Variants in CNTNAP2 observed in about 807,000 individuals in gnomAD.
The protein encoded by CNTNAP2 is contactin-associated protein-like 2.
A neutral mutation model predicts 155.2 loss-of-function variants in CNTNAP2; 98 were observed. The observed-to-expected ratio is 0.63, with a 90% CI of 0.54 to 0.75. The LOEUF is 0.75. Ranked by LOEUF, CNTNAP2 falls within the 30% of genes least tolerant of loss-of-function variation. CNTNAP2 has a pLI of 0.00. For synonymous variants in CNTNAP2, 651 were observed against 631.2 expected (o/e 1.03, Z -0.47); for missense variants, 1,727 against 1,688.1 (o/e 1.02, Z -0.40).
At chr7:146,226,721 A>G (rs1479496367) in intron 1 of CNTNAP2, among the ~76,000 whole-genome samples, 2 of 152,146 alleles carry the variant, frequency 1.3e-5, no homozygotes, top group African/African-American at 2.4e-5. Context: ...TGGAAGTAGT[A>G]TGAATGGTAG....
At chr7:147,312,918 C>A (rs1257761717) in intron 9 of CNTNAP2, among the ~76,000 whole-genome samples, 20 of 131,568 alleles carry the variant, frequency 1.5e-4, no homozygotes, top group Admixed American at 1.4e-3. Flanking sequence ...TCCTCTCCAG[C>A]ACCTGTTGTT....
At chr7:147,296,581 A>C (rs1805450766) in intron 8 of CNTNAP2, among the ~76,000 whole-genome samples, 1 of 152,254 alleles carries the variant, frequency 6.6e-6, no homozygotes, top group Non-Finnish European at 1.5e-5. Context: ...TAAATGACTT[A>C]AGATATTCTT....
At chr7:147,113,011 C>T (rs1017323466) in intron 5 of CNTNAP2, among the ~76,000 whole-genome samples, 6 of 152,006 alleles carry the variant, frequency 3.9e-5, no homozygotes, top group African/African-American at 1.5e-4. Context: ...GAGTCTGTCT[C>T]GTCCTGGGCT....
intron 14 of CNTNAP2, among the ~76,000 whole-genome samples, chr7:147,911,927 T>G (rs1800074293): frequency 6.6e-6 from 1 of 152,332 alleles, no homozygotes; most frequent in South Asian, 2.1e-4. Flanking sequence ...GTACAATTTC[T>G]TTTTAACGTC....
At chr7:147,222,724 G>A (rs1253030256) in intron 8 of CNTNAP2, among the ~76,000 whole-genome samples, 3 of 152,010 alleles carry the variant, frequency 2.0e-5, no homozygotes, top group Middle Eastern at 3.4e-3. Context: ...TATGGGGAGG[G>A]AATATGTTCT....
At chr7:147,382,501 G>A (rs1796552859) in intron 9 of CNTNAP2, among the ~76,000 whole-genome samples, 1 of 152,174 alleles carries the variant, frequency 6.6e-6, no homozygotes, top group African/African-American at 2.4e-5. Context: ...TGAGTGACCA[G>A]TGATATAGAG....
At chr7:146,580,268 G>A (rs1798591316) in intron 1 of CNTNAP2, among the ~76,000 whole-genome samples, 1 of 152,000 alleles carries the variant, frequency 6.6e-6, no homozygotes, top group Admixed American at 6.6e-5. Context: ...AAAGTAACAT[G>A]CGTTGTATGA....
intron 4 of CNTNAP2, among the ~76,000 whole-genome samples, chr7:147,073,026 G>A (rs1436799822): frequency 6.6e-6 from 1 of 150,604 alleles, no homozygotes; most frequent in Non-Finnish European, 1.5e-5. Context: ...CTAATTTTTT[G>A]CATTTTTAGT....
chr7:146,353,212 C>T (rs1291850587), intron 1 of CNTNAP2, among the ~76,000 whole-genome samples: 1 of 152,200 alleles, frequency 6.6e-6, no homozygotes, highest in Non-Finnish European at 1.5e-5. Flanking sequence ...CAATGCCGTA[C>T]ATATTAATGC....
At chr7:147,110,521 T>C (rs1800853647) in intron 5 of CNTNAP2, among the ~76,000 whole-genome samples, 1 of 152,100 alleles carries the variant, frequency 6.6e-6, no homozygotes, top group African/African-American at 2.4e-5. Context: ...ATGCTTTCCT[T>C]CCTCACCACC....
intron 1 of CNTNAP2, among the ~76,000 whole-genome samples, chr7:146,661,569 T>C (rs1293668184): frequency 1.7e-5 from 1 of 59,216 alleles, no homozygotes; most frequent in Non-Finnish European, 3.8e-5. Flanking sequence ...TTTAATATGA[T>C]GCTCTTGAGA....
intron 15 of CNTNAP2, among the ~76,000 whole-genome samples, chr7:148,030,302 A>G (rs1802450544): frequency 2.6e-5 from 4 of 152,218 alleles, no homozygotes; most frequent in Admixed American, 2.6e-4. Context: ...ATCGTTGTGC[A>G]TATTGTATTG....
intron 1 of CNTNAP2, among the ~76,000 whole-genome samples, chr7:146,623,817 C>T (rs1799373809): frequency 6.6e-6 from 1 of 152,064 alleles, no homozygotes; most frequent in Admixed American, 6.6e-5. Flanking sequence ...TAAGAAACTG[C>T]TAAATTGTCT....
At chr7:147,031,991 G>A (rs1444595391) in intron 3 of CNTNAP2, among the ~76,000 whole-genome samples, 1 of 152,204 alleles carries the variant, frequency 6.6e-6, no homozygotes, top group East Asian at 1.9e-4. Flanking sequence ...GGCATTAATT[G>A]AAAAGAATAT....
intron 3 of CNTNAP2, among the ~76,000 whole-genome samples, chr7:146,945,519 G>A (rs990103103): frequency 3.3e-5 from 5 of 152,140 alleles, no homozygotes; most frequent in Non-Finnish European, 7.4e-5. Context: ...GGAAAAAGGC[G>A]CAGCAGCAAC....
chr7:146,580,950 A>T (rs909045397), intron 1 of CNTNAP2, among the ~76,000 whole-genome samples: 1 of 152,128 alleles, frequency 6.6e-6, no homozygotes, highest in Non-Finnish European at 1.5e-5. Context: ...CAAGAAATAA[A>T]AGGCAATTAG....
chr7:146,459,182 A>G (rs1393024391), intron 1 of CNTNAP2, among the ~76,000 whole-genome samples: 2 of 152,156 alleles, frequency 1.3e-5, no homozygotes, highest in African/African-American at 4.8e-5. Flanking sequence ...CACCGATGAA[A>G]TTGATTTTCT....
intron 1 of CNTNAP2, among the ~76,000 whole-genome samples, chr7:146,633,293 A>G (rs1245605621): frequency 6.6e-6 from 1 of 152,202 alleles, no homozygotes; most frequent in East Asian, 1.9e-4. Flanking sequence ...TTGCCCCACC[A>G]TGTATTAATT....
chr7:147,283,061 A>G (rs954350392), intron 8 of CNTNAP2, among the ~76,000 whole-genome samples: 46 of 152,058 alleles, frequency 3.0e-4, no homozygotes, highest in African/African-American at 8.4e-4. Flanking sequence ...ACATGACATT[A>G]ATGGCATTGA....
Sources: gnomAD v4.1 joint callset for allele counts (sites outside exome capture counted in the v4.1 genomes callset) on GRCh38, gnomAD v4.1.1 for gene constraint, MANE v1.5 for transcripts, NCBI Gene and HGNC (gene_info 2026-07-23, HGNC 2026-07-21) for gene names.